Variants in KPNA1 observed in about 807,000 individuals in gnomAD.
KPNA1 encodes karyopherin subunit alpha 1.
A neutral mutation model predicts 70.5 loss-of-function variants in KPNA1; 10 were observed. That is an observed-to-expected ratio of 0.14 (90% CI 0.09 to 0.24). The LOEUF is 0.24. Among genes scored for constraint, KPNA1 ranks in the 10% least tolerant of loss-of-function variants. KPNA1 has a pLI of 1.00. For missense variants in KPNA1, 397 were observed against 637.9 expected, an observed-to-expected ratio of 0.62 and a Z score of 4.07; for synonymous variants, 192 against 221.9, an observed-to-expected ratio of 0.87 and a Z score of 1.20.
At chr3:122,509,211 A>T (rs901753975) in intron 1 of KPNA1, among the ~76,000 whole-genome samples, 3 of 151,662 alleles carry the variant, frequency 2.0e-5, no homozygotes, top group African/African-American at 7.3e-5. Context: ...ATGCCACTGC[A>T]CTCACTTGGG....
At chr3:122,467,196 C>A in intron 3 of KPNA1, 126 bp downstream of exon 3, 1 of 499,098 alleles carries the variant, frequency 2.0e-6, no homozygotes. Flanking sequence ...TGAGATTAAG[C>A]ATATTCTTTT....
At chr3:122,452,843 GAA>G (rs895564280) in intron 6 of KPNA1, among the ~76,000 whole-genome samples, 1 of 151,764 alleles carries the variant, frequency 6.6e-6, no homozygotes. Flanking sequence ...AAGACAGAAA[GAA>G]AAAAAGAGAC....
chr3:122,497,472 T>C (rs1371125518), intron 1 of KPNA1, among the ~76,000 whole-genome samples: 1 of 152,260 alleles, frequency 6.6e-6, no homozygotes, highest in African/African-American at 2.4e-5. Flanking sequence ...ATGGTAACTA[T>C]GTTTAATTGC....
chr3:122,447,040 C>T (rs2076147845), intron 9 of KPNA1, among the ~76,000 whole-genome samples: 1 of 152,096 alleles, frequency 6.6e-6, no homozygotes, highest in Non-Finnish European at 1.5e-5. Context: ...AGCCTACCAA[C>T]CAAAAAAAGC....
At chr3:122,460,018 G>A (rs983772714) in intron 5 of KPNA1, 2 of 985,114 alleles carry the variant, frequency 2.0e-6, no homozygotes, top group African/African-American at 3.5e-5. Flanking sequence ...ACAAGGGGTG[G>A]GGGATATCTT....
At chr3:122,496,390 G>T in intron 2 of KPNA1, 47 bp downstream of exon 2, 3 of 1,565,718 alleles carry the variant, frequency 1.9e-6, no homozygotes, top group Non-Finnish European at 8.7e-7. Flanking sequence ...GGCTTAAAAT[G>T]GAACATTAAA....
intron 5 of KPNA1, among the ~76,000 whole-genome samples, chr3:122,455,016 T>C (rs868226023): frequency 5.3e-5 from 8 of 152,242 alleles, no homozygotes; most frequent in Non-Finnish European, 5.9e-5. Context: ...CTGTCTTCTA[T>C]TTAATAAAGC....
chr3:122,430,929 C>G (rs2075896889), intron 12 of KPNA1, among the ~76,000 whole-genome samples: 1 of 152,126 alleles, frequency 6.6e-6, no homozygotes, highest in East Asian at 1.9e-4. Flanking sequence ...GAAAGAACGA[C>G]CTATAGCAAG....
At chr3:122,431,219 T>C (rs1318216960) in intron 12 of KPNA1, among the ~76,000 whole-genome samples, 2 of 152,218 alleles carry the variant, frequency 1.3e-5, no homozygotes, top group African/African-American at 4.8e-5. Flanking sequence ...TGGAGTGCAG[T>C]GGCACGATCT....
Position 122,437,293 on chromosome 3 carries a change from T to C in KPNA1, c.999A>G (p.Val333=), listed in dbSNP as rs1406555632. 6.3e-7 allele frequency: 1 copy of C among 1,593,228 alleles called. No homozygotes were observed. Among genetic ancestry groups the C allele is most frequent in the African/African-American group, 1.4e-5 (1 of 73,700 alleles). Residue 333 remains valine, a splice_region_variant and synonymous_variant, in exon 11 of 14, where the codon GTA becomes GTG. Coordinates refer to ENST00000344337, the MANE Select transcript of KPNA1 (RefSeq NM_002264.4). ...TCTGCAGAGCTGAGCAATTCAGAAT[T>C]ACCTAAAAGAAAAAGTTTGAAAATT... The part of the protein sequence containing the change: ...IVTGDDIQTQ[V]ILNCSALQSL...
chr3:122,422,259 C>T lies in KPNA1; in HGVS notation c.*4726G>A, dbSNP rs552523539. On this transcript the variant is annotated 3_prime_UTR_variant, in exon 14 of 14. Transcript: ENST00000344337. Reference sequence around the variant, plus strand: ...AGGCAGTAATTCTTCAAAGCCTTTCCTTCCGTGTCAATACTTTCCACATTT... The same window carrying T: ...AGGCAGTAATTCTTCAAAGCCTTTCTTTCCGTGTCAATACTTTCCACATTT... 1 of 151,260 alleles carries T rather than the reference C, an allele frequency of 6.6e-6. No homozygotes were observed. The highest frequency in any genetic ancestry group is 1.9e-4 in the East Asian group (1 of 5,160). The allele number at this position is 151,260 out of a possible 1,614,324, so 9.4% of individuals were successfully genotyped here.
chr3:122,462,197 C>A lies in KPNA1; in HGVS notation c.338-879G>T, dbSNP rs369815599. Among the ~76,000 whole-genome samples, 6 of 151,654 alleles carry A rather than the reference C, an allele frequency of 4.0e-5. No homozygotes were observed. The East Asian group carries it at 1.2e-3, about 29-fold the overall frequency. ...TTACAGAAATAACACAGAAAAAGAACAATAAGTCAGAATAGGCAACAACAA... is the reference window on the plus strand; with the variant it reads ...TTACAGAAATAACACAGAAAAAGAAAAATAAGTCAGAATAGGCAACAACAA... On this transcript the variant is annotated intron_variant, in intron 4 of 13. Transcript: ENST00000344337.
At chr3:122,500,175 G>A (rs1480697971) in intron 1 of KPNA1, among the ~76,000 whole-genome samples, 1 of 152,106 alleles carries the variant, frequency 6.6e-6, no homozygotes, top group Non-Finnish European at 1.5e-5. Context: ...AGGCTGGAGT[G>A]CAGTGGCGTA....
At chr3:122,441,969 T>C (rs901900130) in intron 10 of KPNA1, 69 bp downstream of exon 10, 21 of 1,060,640 alleles carry the variant, frequency 2.0e-5, no homozygotes, top group Non-Finnish European at 2.6e-5. Flanking sequence ...AATACGATAA[T>C]AGAAACATGA....
At position 122,426,134 on chromosome 3, in the gene KPNA1, A is replaced by G. The variant is rs1310790944; in HGVS notation, c.*851T>C. On this transcript the variant is annotated 3_prime_UTR_variant, in exon 14 of 14. Transcript: ENST00000344337. Reference sequence around the variant, plus strand: ...TTAGTTTTTTTTATTAAATTACAGGATATGGTTTTCGATTACTAAGTATTC... The same window carrying G: ...TTAGTTTTTTTTATTAAATTACAGGGTATGGTTTTCGATTACTAAGTATTC... 1.3e-5 allele frequency: 2 copies of G among 152,214 alleles called. No homozygotes were observed. The highest frequency in any genetic ancestry group is 4.8e-5 in the African/African-American group (2 of 41,406). 9.4% of individuals were successfully genotyped at this position (152,214 alleles called of 1,614,324 possible). A position where few individuals can be genotyped will look rare whatever the true frequency, so the allele number is the denominator to read the frequency against.
At chr3:122,463,919 T>C (rs190998857) in intron 4 of KPNA1, 23 bp downstream of exon 4, 6 of 1,353,718 alleles carry the variant, frequency 4.4e-6, no homozygotes, top group South Asian at 2.5e-5. Context: ...TGAAAAAATA[T>C]ACTGAACATA....
chr3:122,510,860 A>T (rs1188570946), intron 1 of KPNA1, among the ~76,000 whole-genome samples: 1 of 152,154 alleles, frequency 6.6e-6, no homozygotes, highest in Non-Finnish European at 1.5e-5. Context: ...TATTTTTTTA[A>T]TGTTGATAAA....
chr3:122,437,563 A>G (rs1482094104), intron 10 of KPNA1, among the ~76,000 whole-genome samples: 1 of 152,230 alleles, frequency 6.6e-6, no homozygotes. Context: ...AGCATTACTC[A>G]TTCACCTTCC....
At chr3:122,489,003 G>C (rs1480397044) in intron 2 of KPNA1, among the ~76,000 whole-genome samples, 1 of 137,072 alleles carries the variant, frequency 7.3e-6, no homozygotes, top group Admixed American at 7.8e-5. Context: ...CCAATTGCCT[G>C]TATTTAGCTT....
Sources: gnomAD v4.1 joint callset for allele counts (sites outside exome capture counted in the v4.1 genomes callset) on GRCh38, gnomAD v4.1.1 for gene constraint, MANE v1.5 for transcripts, NCBI Gene and HGNC (gene_info 2026-07-23, HGNC 2026-07-21) for gene names.